The following MTHFD2L variants were observed in gnomAD, a reference collection of about 807,000 sequenced individuals.
MTHFD2L encodes methylenetetrahydrofolate dehydrogenase (NADP+ dependent) 2 like.
Under a neutral mutation model 34.9 loss-of-function variants are expected in MTHFD2L, and 29 were observed. That is an observed-to-expected ratio of 0.83 (90% CI 0.62 to 1.13). The LOEUF (loss-of-function observed/expected upper bound fraction) is 1.13, where lower values mean the gene tolerates loss of function less well. MTHFD2L is among the 50% of genes most tolerant of loss of function. The pLI is 0.00. For synonymous variants in MTHFD2L, 167 were observed against 155.7 expected (o/e 1.07, Z -0.54); for missense variants, 481 against 446.5 (o/e 1.08, Z -0.70).
chr4:74,235,609 A>T (rs1740724041), intron 6 of MTHFD2L, among the ~76,000 whole-genome samples: 1 of 152,144 alleles, frequency 6.6e-6, no homozygotes, highest in Non-Finnish European at 1.5e-5. Context: ...GAATTCATGG[A>T]TAAAACCATC....
chr4:74,128,375 A>C (rs543907745), intron 1 of MTHFD2L, among the ~76,000 whole-genome samples: 21 of 152,152 alleles, frequency 1.4e-4, no homozygotes, highest in African/African-American at 4.3e-4. Context: ...TCTTTAATTC[A>C]TTTTGATTAC....
At chr4:74,162,773 A>C (rs149621911) in intron 1 of MTHFD2L, among the ~76,000 whole-genome samples, 1 of 152,266 alleles carries the variant, frequency 6.6e-6, no homozygotes, top group African/African-American at 2.4e-5. Flanking sequence ...AAACTTGTCA[A>C]GTTGACACAG....
intron 1 of MTHFD2L, among the ~76,000 whole-genome samples, chr4:74,148,575 A>T (rs1723749532): frequency 6.6e-6 from 1 of 151,680 alleles, no homozygotes; most frequent in Non-Finnish European, 1.5e-5. Context: ...TTTTGTAGAG[A>T]TAGGGTTTGA....
chr4:74,214,523 G>A lies in MTHFD2L; in HGVS notation c.713-10779G>A, dbSNP rs1736871481. Among the ~76,000 whole-genome samples the A allele has an allele frequency of 2.0e-5, 3 of 151,710 alleles. No individual in the cohort carries two copies. In the South Asian group the frequency reaches 6.2e-4, roughly 31 times the overall value. On this transcript the variant is annotated intron_variant, in intron 5 of 7. Transcript: ENST00000325278. ...TCCACTCCAATCCTTCTTTGCCTAG[G>A]TATCACCAGTGGAGGCTGCAGAACA...
chr4:74,163,744 T>C (rs1261917), intron 1 of MTHFD2L, among the ~76,000 whole-genome samples: 146,372 of 152,296 alleles, frequency 0.96, 70,604 homozygotes, highest in East Asian at 1. Flanking sequence ...GGGGGTTTCA[T>C]TTCTATTGTA....
At chr4:74,212,822 G>A (rs1299074808) in intron 5 of MTHFD2L, among the ~76,000 whole-genome samples, 1 of 151,998 alleles carries the variant, frequency 6.6e-6, no homozygotes, top group African/African-American at 2.4e-5. Context: ...TTATTGTGTG[G>A]GAGTCTAACT....
At chr4:74,264,256 G>A (rs1426322028) in intron 6 of MTHFD2L, among the ~76,000 whole-genome samples, 1 of 152,036 alleles carries the variant, frequency 6.6e-6, no homozygotes, top group Non-Finnish European at 1.5e-5. Flanking sequence ...GAAGGAGGAA[G>A]TAAAACTGTC....
upstream of MTHFD2L, among the ~76,000 whole-genome samples, chr4:74,153,977 T>C (rs1228637064): frequency 6.6e-6 from 1 of 152,184 alleles, no homozygotes; most frequent in Non-Finnish European, 1.5e-5. Context: ...CAGGATCCAA[T>C]CCAAGATATC....
At chr4:74,181,934 G>A (rs1184468451) in intron 3 of MTHFD2L, 1 of 151,778 alleles carries the variant, frequency 6.6e-6, no homozygotes, top group Non-Finnish European at 1.5e-5. Context: ...TTCATTTGGG[G>A]AAAAAAAGTA....
chr4:74,168,994 T>G (rs1425267215), intron 1 of MTHFD2L, among the ~76,000 whole-genome samples: 18 of 152,250 alleles, frequency 1.2e-4, no homozygotes, highest in Non-Finnish European at 4.4e-5. Flanking sequence ...TGCATTAATT[T>G]GAGGTTGCTT....
At chr4:74,185,133 C>T in intron 3 of MTHFD2L, among the ~76,000 whole-genome samples, 1 of 108,028 alleles carries the variant, frequency 9.3e-6, no homozygotes, top group Admixed American at 1.5e-4. Flanking sequence ...GCCTGGGCGA[C>T]AGAGCGAGAC....
At chr4:74,269,677 G>C (rs1025409004) in intron 6 of MTHFD2L, among the ~76,000 whole-genome samples, 1 of 152,088 alleles carries the variant, frequency 6.6e-6, no homozygotes, top group South Asian at 2.1e-4. Context: ...TGAACTGTTT[G>C]AAACTTCAAA....
intron 7 of MTHFD2L, chr4:74,288,227 C>T (rs1008152568): frequency 2.6e-4 from 40 of 152,224 alleles, no homozygotes; most frequent in Non-Finnish European, 4.1e-4. Flanking sequence ...TCCCATAACA[C>T]CGTTCCACCT....
At chr4:74,119,774 C>T (rs538759769), upstream of MTHFD2L, among the ~76,000 whole-genome samples, 8 of 151,966 alleles carry the variant, frequency 5.3e-5, no homozygotes, top group South Asian at 1.2e-3. Context: ...CAGAGCGAGA[C>T]TCCATCTCAA....
At chr4:74,216,037 A>G (rs1453007046) in intron 5 of MTHFD2L, among the ~76,000 whole-genome samples, 2 of 151,852 alleles carry the variant, frequency 1.3e-5, no homozygotes, top group African/African-American at 2.4e-5. Context: ...CTCAATAAAA[A>G]TAAAACATTT....
chr4:74,248,934 G>T (rs1269712786), intron 6 of MTHFD2L, among the ~76,000 whole-genome samples: 1 of 148,860 alleles, frequency 6.7e-6, no homozygotes, highest in Non-Finnish European at 1.5e-5. Context: ...GTGTGGTGTG[G>T]TGCTGAAAAA....
intron 1 of MTHFD2L, among the ~76,000 whole-genome samples, chr4:74,139,417 C>T (rs1297711780): frequency 2.0e-5 from 3 of 152,182 alleles, no homozygotes; most frequent in Non-Finnish European, 2.9e-5. Context: ...CTGCCTTCTC[C>T]GTTTGTGTCT....
intron 1 of MTHFD2L, among the ~76,000 whole-genome samples, chr4:74,170,393 A>G (rs1446331910): frequency 6.6e-6 from 1 of 152,218 alleles, no homozygotes; most frequent in Non-Finnish European, 1.5e-5. Flanking sequence ...CAATAGACAT[A>G]AAAAACACTT....
chr4:74,244,891 A>C (rs1472805644), intron 6 of MTHFD2L, among the ~76,000 whole-genome samples: 1 of 152,122 alleles, frequency 6.6e-6, no homozygotes, highest in African/African-American at 2.4e-5. Flanking sequence ...AATACAGAAG[A>C]AGATTTAAGA....
Sources: gnomAD v4.1 joint callset for allele counts (sites outside exome capture counted in the v4.1 genomes callset) on GRCh38, gnomAD v4.1.1 for gene constraint, MANE v1.5 for transcripts, NCBI Gene and HGNC (gene_info 2026-07-23, HGNC 2026-07-21) for gene names.